The following SOX5 variants were observed in gnomAD, a reference collection of about 807,000 sequenced individuals.
The protein encoded by SOX5 is transcription factor SOX-5.
SOX5 carries 9 observed loss-of-function variants against 92.0 expected under a neutral mutation model. That is an observed-to-expected ratio of 0.10 (90% CI 0.06 to 0.17). The LOEUF (loss-of-function observed/expected upper bound fraction) is 0.17, where lower values mean the gene tolerates loss of function less well. Ranked by LOEUF, SOX5 falls within the 10% of genes least tolerant of loss-of-function variation. The pLI is 1.00. For synonymous variants in SOX5, 344 were observed against 336.3 expected (o/e 1.02, Z -0.25); for missense variants, 642 against 944.5 (o/e 0.68, Z 4.20).
At chr12:24,351,401 C>T (rs926471578) in intron 2 of SOX5, among the ~76,000 whole-genome samples, 1 of 152,178 alleles carries the variant, frequency 6.6e-6, no homozygotes, top group African/African-American at 2.4e-5. Flanking sequence ...AATATGCCTC[C>T]TAGTTATATA....
At chr12:23,672,954 A>G (rs896288540) in intron 6 of SOX5, among the ~76,000 whole-genome samples, 1 of 152,158 alleles carries the variant, frequency 6.6e-6, no homozygotes, top group African/African-American at 2.4e-5. Flanking sequence ...ATTAATATAC[A>G]TTAAATTCAT....
At chr12:24,112,739 T>C (rs552622561) in intron 4 of SOX5, among the ~76,000 whole-genome samples, 7 of 151,742 alleles carry the variant, frequency 4.6e-5, no homozygotes, top group Non-Finnish European at 8.8e-5. Context: ...TTTCACCATG[T>C]TGCCCAGGCT....
chr12:24,059,066 T>C (rs948894585), intron 4 of SOX5, among the ~76,000 whole-genome samples: 15 of 152,220 alleles, frequency 9.9e-5, no homozygotes, highest in Non-Finnish European at 1.9e-4. Context: ...GGTTTAAAAT[T>C]ATCACTTGCT....
At chr12:24,065,697 A>G (rs1265089287) in intron 4 of SOX5, among the ~76,000 whole-genome samples, 1 of 151,918 alleles carries the variant, frequency 6.6e-6, no homozygotes, top group African/African-American at 2.4e-5. Context: ...AAAAGAAATA[A>G]TCACTAAATG....
intron 8 of SOX5, among the ~76,000 whole-genome samples, chr12:23,605,570 T>C (rs2075144705): frequency 1.3e-5 from 2 of 151,584 alleles, no homozygotes; most frequent in South Asian, 2.1e-4. Flanking sequence ...CAATGCAAGC[T>C]AGAATTTCTA....
At chr12:24,243,015 T>TTATACATAG (rs1225081537) in intron 3 of SOX5, among the ~76,000 whole-genome samples, 1 of 152,172 alleles carries the variant, frequency 6.6e-6, no homozygotes, top group African/African-American at 2.4e-5. Context: ...AGGAGTGTCT[T>TTATACATAG]TATACATAGC....
At chr12:24,233,265 C>G (rs1250423535) in intron 3 of SOX5, among the ~76,000 whole-genome samples, 1 of 151,638 alleles carries the variant, frequency 6.6e-6, no homozygotes, top group Non-Finnish European at 1.5e-5. Flanking sequence ...ACATCCTAAC[C>G]AATATAATAA....
chr12:24,090,388 A>G (rs12423848), intron 4 of SOX5, among the ~76,000 whole-genome samples: 30,488 of 152,120 alleles, frequency 0.2, 3,587 homozygotes, highest in Middle Eastern at 0.36. Flanking sequence ...GTAGAATTAT[A>G]AAGTGCTCTT....
intron 7 of SOX5, among the ~76,000 whole-genome samples, chr12:23,664,444 A>C (rs2083501021): frequency 6.6e-6 from 1 of 152,128 alleles, no homozygotes; most frequent in Non-Finnish European, 1.5e-5. Context: ...AAAATATTTC[A>C]ATGAACTTGC....
Position 24,034,570 on chromosome 12 carries a change from ATT to A in SOX5, c.-1-138548_-1-138547del, listed in dbSNP as rs34793688. ...ACTCTCATCACCAATGCTCGGGAGG[ATT>A]TTTTTTTTTTTTTTTAAGGTGTAAG... On this transcript the variant is annotated intron_variant, in intron 4 of 4. Transcript: ENST00000446891. 3.2e-3 allele frequency among the ~76,000 whole-genome samples: 459 copies of A among 144,102 alleles called. 2 individuals are homozygous for A. Among genetic ancestry groups the A allele is most frequent in the Middle Eastern group, 0.011 (3 of 282 alleles). The allele number at this position is 144,102 out of a possible 152,430, so 94.5% of individuals were successfully genotyped here.
intron 8 of SOX5, among the ~76,000 whole-genome samples, chr12:23,618,172 T>C (rs1268019085): frequency 1.3e-5 from 2 of 152,232 alleles, no homozygotes; most frequent in Non-Finnish European, 1.5e-5. Flanking sequence ...ATTATACTTA[T>C]ATCTTTAATT....
At chr12:24,128,887 C>G (rs1949371482) in intron 4 of SOX5, among the ~76,000 whole-genome samples, 1 of 152,054 alleles carries the variant, frequency 6.6e-6, no homozygotes, top group African/African-American at 2.4e-5. Context: ...AGGTGGGAAA[C>G]TATTGCTGGA....
chr12:24,248,544 T>C (rs1467979058), intron 3 of SOX5, among the ~76,000 whole-genome samples: 1 of 152,064 alleles, frequency 6.6e-6, no homozygotes, highest in African/African-American at 2.4e-5. Context: ...GCTACCACGC[T>C]CGGCTAATTT....
chr12:24,483,392 T>C (rs981580612), intron 1 of SOX5, among the ~76,000 whole-genome samples: 5 of 152,206 alleles, frequency 3.3e-5, no homozygotes, highest in Non-Finnish European at 7.3e-5. Flanking sequence ...AACCTTGTTT[T>C]GGGCATCCCC....
chr12:23,717,039 C>T (rs772259340), intron 6 of SOX5, among the ~76,000 whole-genome samples: 1 of 152,148 alleles, frequency 6.6e-6, no homozygotes, highest in African/African-American at 2.4e-5. Context: ...TTATCCCTTG[C>T]TTACTTTGGC....
intron 2 of SOX5, among the ~76,000 whole-genome samples, chr12:24,348,807 G>A (rs117437988): frequency 0.071 from 10,824 of 152,164 alleles, 472 homozygotes; most frequent in South Asian, 0.1. Context: ...TCATGGGGGC[G>A]GGTTTTCTCA....
intron 1 of SOX5, among the ~76,000 whole-genome samples, chr12:24,421,957 C>T (rs1965978771): frequency 6.6e-6 from 1 of 152,178 alleles, no homozygotes; most frequent in Non-Finnish European, 1.5e-5. Context: ...ATTCTTTCAG[C>T]AATGTCTGTC....
At chr12:24,484,749 T>G (rs1275548597) in intron 1 of SOX5, among the ~76,000 whole-genome samples, 1 of 152,230 alleles carries the variant, frequency 6.6e-6, no homozygotes, top group Non-Finnish European at 1.5e-5. Flanking sequence ...CACTTTCCAG[T>G]GAACACTCAG....
chr12:24,548,739 A>G (rs1213541066), intron 1 of SOX5, among the ~76,000 whole-genome samples: 1 of 152,198 alleles, frequency 6.6e-6, no homozygotes, highest in Non-Finnish European at 1.5e-5. Flanking sequence ...CACTACTGCT[A>G]TAGTCCAAGC....
Sources: gnomAD v4.1 joint callset for allele counts (sites outside exome capture counted in the v4.1 genomes callset) on GRCh38, gnomAD v4.1.1 for gene constraint, MANE v1.5 for transcripts, NCBI Gene and HGNC (gene_info 2026-07-23, HGNC 2026-07-21) for gene names.